Variants in DPP3 observed in about 807,000 individuals in gnomAD.
The protein encoded by DPP3 is DPP III.
A neutral mutation model predicts 89.8 loss-of-function variants in DPP3; 64 were observed. The observed-to-expected ratio is 0.71, with a 90% CI of 0.58 to 0.88. DPP3 has a LOEUF of 0.88. Ranked by LOEUF, DPP3 falls within the 40% of genes least tolerant of loss-of-function variation. DPP3 has a pLI of 0.00. For synonymous variants in DPP3, 377 were observed against 404.3 expected, an observed-to-expected ratio of 0.93 and a Z score of 0.81; for missense variants, 835 against 972.5, an observed-to-expected ratio of 0.86 and a Z score of 1.88.
chr11:66,483,527 T>C (rs182158164), intron 2 of DPP3, among the ~76,000 whole-genome samples: 2 of 152,350 alleles, frequency 1.3e-5, no homozygotes, highest in Admixed American at 1.3e-4. Flanking sequence ...TTCTTTTTTA[T>C]TGACTGTAAA....
At chr11:66,505,464 C>CTTCATTCA (rs1446376347) in intron 17 of DPP3, among the ~76,000 whole-genome samples, 8 of 152,160 alleles carry the variant, frequency 5.3e-5, no homozygotes, top group Admixed American at 2.0e-4. Context: ...ACTTTGGTGT[C>CTTCATTCA]TTCATTCATA....
At chr11:66,488,065 G>C in intron 6 of DPP3, 58 bp downstream of exon 6, 1 of 1,489,162 alleles carries the variant, frequency 6.7e-7, no homozygotes, top group African/African-American at 1.4e-5. Flanking sequence ...GGACCTGGGT[G>C]GCTCAGGTCC....
chr11:66,495,130 C>T (rs937371000), intron 12 of DPP3, 76 bp from the exon 13 acceptor site: 12 of 1,608,948 alleles, frequency 7.5e-6, no homozygotes, highest in East Asian at 2.2e-5. Flanking sequence ...AGCCACTTTC[C>T]GGCCTGTGGA....
At chr11:66,481,432 G>A (rs377660138) in intron 1 of DPP3, among the ~76,000 whole-genome samples, 3 of 152,258 alleles carry the variant, frequency 2.0e-5, no homozygotes, top group African/African-American at 7.2e-5. Flanking sequence ...GGAGGTTGCA[G>A]TGAGTCAAGA....
chr11:66,495,912 A>C (rs748959320), intron 15 of DPP3, among the ~76,000 whole-genome samples, 162 bp downstream of exon 15: 7 of 152,230 alleles, frequency 4.6e-5, no homozygotes, highest in South Asian at 2.1e-4. Flanking sequence ...TGTGAGCCCC[A>C]GAGTTCCTCT....
chr11:66,495,108 C>T (rs1415425606), intron 12 of DPP3, 98 bp from the exon 13 acceptor site: 1 of 1,584,022 alleles, frequency 6.3e-7, no homozygotes, highest in African/African-American at 1.3e-5. Flanking sequence ...TGCGCTCCCG[C>T]TTGCCTTCCT....
intron 16 of DPP3, among the ~76,000 whole-genome samples, chr11:66,503,302 C>T (rs1272386939): frequency 6.6e-6 from 1 of 152,178 alleles, no homozygotes; most frequent in Non-Finnish European, 1.5e-5. Context: ...AATGGTCATA[C>T]CTGCCTTGTC....
Position 66,491,347 on chromosome 11 carries a change from C to A in DPP3, c.762C>A (p.Ile254=). The A allele has an allele frequency of 6.2e-7, 1 of 1,614,046 alleles. No individual in the cohort carries two copies. Among genetic ancestry groups the A allele is most frequent in the African/African-American group, 1.3e-5 (1 of 75,028 alleles). ...FQVTRGDYAP[I]LQKVVEQLEK... ...TGACCCGGGGGGACTACGCGCCCATCCTCCAGAAGGTGGTGGAGCAGCTGG... is the reference window on the plus strand; with the variant it reads ...TGACCCGGGGGGACTACGCGCCCATACTCCAGAAGGTGGTGGAGCAGCTGG... The change falls in exon 7 of 18, where the codon ATC becomes ATA. Residue 254 remains isoleucine, a synonymous_variant. Transcript: ENST00000531863.
intron 16 of DPP3, among the ~76,000 whole-genome samples, chr11:66,501,782 G>T (rs1248735061): frequency 7.2e-6 from 1 of 139,260 alleles, no homozygotes; most frequent in Non-Finnish European, 1.5e-5. Flanking sequence ...CTGATAATCT[G>T]CCACTGCACA....
chr11:66,500,413 A>G (rs1360113223), intron 16 of DPP3, among the ~76,000 whole-genome samples: 2 of 152,216 alleles, frequency 1.3e-5, no homozygotes, highest in South Asian at 2.1e-4. Context: ...ATAACCCAAC[A>G]TAAAATAAGC....
rs200211389 is a variant in DPP3, at chr11:66,493,519, G to A, written c.1297-22G>A. The stretch of plus-strand genomic sequence containing the variant: ...GCCAGGGCTGGCCAGTGGACAGCGC[G>A]GGTCTCTGCTTGTCTTGGCAGGACC... On this transcript the variant is annotated intron_variant, in intron 11 of 17. Coordinates refer to ENST00000531863, the MANE Select transcript of DPP3 (RefSeq NM_130443.4). 63 of 1,611,376 alleles carry A rather than the reference G, an allele frequency of 3.9e-5. No homozygotes were observed. In the East Asian group the frequency reaches 6.9e-4, roughly 18 times the overall value.
chr11:66,509,459 G>A lies in DPP3; in HGVS notation c.*208G>A. 1 of 1,485,808 alleles carries A rather than the reference G, an allele frequency of 6.7e-7. No homozygotes were observed. Among genetic ancestry groups the A allele is most frequent in the Non-Finnish European group, 9.1e-7 (1 of 1,101,448 alleles). The allele number at this position is 1,485,808 out of a possible 1,614,324, so 92.0% of individuals were successfully genotyped here. ...TCCCCTCTGTGATCTCATTTCATCT[G>A]CACTGCCATACGTGGAGTGAGCAAG... On this transcript the variant is annotated 3_prime_UTR_variant, in exon 18 of 18. Transcript: ENST00000531863.
Position 66,487,401 on chromosome 11 carries a change from C to A in DPP3, c.573+59C>A. 3 of 1,554,716 alleles carry A rather than the reference C, an allele frequency of 1.9e-6. No homozygotes were observed. In the South Asian group the frequency reaches 3.3e-5, roughly 17 times the overall value. On this transcript the variant is annotated intron_variant, in intron 5 of 17. Transcript: ENST00000531863. Reference sequence around the variant, plus strand: ...TTTGGTGGGGTTCCTAGTCCCAGCCCCCTCACAACTGGTGACCACTCCTGG... The same window carrying A: ...TTTGGTGGGGTTCCTAGTCCCAGCCACCTCACAACTGGTGACCACTCCTGG...
chr11:66,499,447 G>A (rs377362765), intron 16 of DPP3, among the ~76,000 whole-genome samples: 1 of 151,958 alleles, frequency 6.6e-6, no homozygotes, highest in Non-Finnish European at 1.5e-5. Context: ...TGCTTTATGC[G>A]GCTGCAGTTA....
At chr11:66,481,574 T>G (rs1319871950) in intron 1 of DPP3, among the ~76,000 whole-genome samples, 2 of 152,110 alleles carry the variant, frequency 1.3e-5, no homozygotes, top group Non-Finnish European at 2.9e-5. Context: ...ATGTCTCCAT[T>G]GTGGGATTAG....
Position 66,480,481 on chromosome 11 carries a change from T to C in DPP3, c.-9+16T>C. ...GCTGCTGCAGGTGAGGCGCGGCGCC[T>C]GGGCTTTTGGGGTCAAAGCGTGTCA... On this transcript the variant is annotated intron_variant, in intron 1 of 17. Coordinates refer to ENST00000531863, the MANE Select transcript of DPP3 (RefSeq NM_130443.4). 6.8e-7 allele frequency: 1 copy of C among 1,481,390 alleles called. No individual in the cohort carries two copies. The highest frequency in any genetic ancestry group is 1.3e-5 in the South Asian group (1 of 77,708). 91.8% of individuals were successfully genotyped at this position (1,481,390 alleles called of 1,614,324 possible). A position where few individuals can be genotyped will look rare whatever the true frequency, so the allele number is the denominator to read the frequency against.
At chr11:66,502,351 A>G (rs992702009) in intron 16 of DPP3, among the ~76,000 whole-genome samples, 5 of 150,056 alleles carry the variant, frequency 3.3e-5, no homozygotes, top group African/African-American at 1.2e-4. Context: ...TCTGTCCCCC[A>G]GGCTGGAATG....
chr11:66,498,857 T>G (rs1025520038), intron 16 of DPP3, among the ~76,000 whole-genome samples: 1 of 151,100 alleles, frequency 6.6e-6, no homozygotes, highest in African/African-American at 2.4e-5. Context: ...TACAAAAAAT[T>G]TTAAAAATAG....
chr11:66,495,872 C>A, intron 15 of DPP3, 122 bp downstream of exon 15: 1 of 1,460,880 alleles, frequency 6.8e-7, no homozygotes, highest in Non-Finnish European at 9.1e-7. Context: ...TGCTAGACTC[C>A]ACTGTTTGGG....
Sources: allele counts gnomAD v4.1 joint callset (sites outside exome capture counted in the v4.1 genomes callset), GRCh38; gene constraint gnomAD v4.1.1; transcripts MANE v1.5; gene names NCBI Gene and HGNC (gene_info 2026-07-23, HGNC 2026-07-21).